The following SLC30A7 variants were observed in gnomAD, a reference collection of about 807,000 sequenced individuals.
The protein encoded by SLC30A7 is solute carrier family 30 member 7.
SLC30A7 carries 35 observed loss-of-function variants against 46.0 expected under a neutral mutation model. That is an observed-to-expected ratio of 0.76 (90% CI 0.58 to 1.01). The LOEUF (loss-of-function observed/expected upper bound fraction) is 1.01. Ranked by LOEUF, SLC30A7 falls within the 50% of genes least tolerant of loss-of-function variation. SLC30A7 has a pLI of 0.00. For missense variants in SLC30A7, 464 were observed against 451.1 expected (o/e 1.03, Z -0.26); for synonymous variants, 147 against 157.8 (o/e 0.93, Z 0.51).
downstream of SLC30A7, among the ~76,000 whole-genome samples, chr1:100,983,984 G>A (rs906192036): frequency 3.9e-5 from 6 of 152,122 alleles, no homozygotes; most frequent in Non-Finnish European, 7.4e-5. Context: ...TACTTTCCCC[G>A]TGAGCAATAA....
intron 2 of SLC30A7, among the ~76,000 whole-genome samples, chr1:100,902,944 AATAG>A (rs1257641969): frequency 6.6e-6 from 1 of 152,204 alleles, no homozygotes; most frequent in Non-Finnish European, 1.5e-5. Context: ...ATAATAGTGA[AATAG>A]ATAGTAAAAT....
In SLC30A7 at chr1:100,921,688, A is replaced by G. The variant is rs1652941989; in HGVS notation, c.707-18A>G. ...TAACCAAAAGACTGTTTTGATTTTTATTATGGTTTATTTCTAGGTGTATTT... is the reference window on the plus strand; with the variant it reads ...TAACCAAAAGACTGTTTTGATTTTTGTTATGGTTTATTTCTAGGTGTATTT... On this transcript the variant is annotated intron_variant, in intron 7 of 10. Coordinates refer to ENST00000357650, the MANE Select transcript of SLC30A7 (RefSeq NM_133496.5). 1.3e-6 allele frequency: 2 copies of G among 1,587,588 alleles called. No individual in the cohort carries two copies. The highest frequency in any genetic ancestry group is 1.7e-6 in the Non-Finnish European group (2 of 1,158,780).
rs1440420533 is a variant in SLC30A7, at chr1:100,974,861, A to G, written c.*4A>G. The G allele has an allele frequency of 6.3e-7, 1 of 1,597,648 alleles. No individual in the cohort carries two copies. Among genetic ancestry groups the G allele is most frequent in the South Asian group, 1.1e-5 (1 of 89,016 alleles). On this transcript the variant is annotated 3_prime_UTR_variant, in exon 11 of 11. Transcript: ENST00000357650. ...GATTGACTTTGCAGCCATGTAGTGA[A>G]TGGAAAGAAATTATGCACCTTTTAT...
chr1:100,990,686 ACAGT>A, the SLC30A7 span: 1 of 1,535,290 alleles, frequency 6.5e-7, no homozygotes, highest in South Asian at 1.1e-5. Context: ...CATCCATCCA[ACAGT>A]CAAACAAACA....
At chr1:100,981,759 C>T (rs1656946620), downstream of SLC30A7, 1 of 152,098 alleles carries the variant, frequency 6.6e-6, no homozygotes, top group Admixed American at 6.5e-5. Flanking sequence ...AAATCTCTAC[C>T]TGAATTGTGT....
intron 2 of SLC30A7, among the ~76,000 whole-genome samples, chr1:100,906,099 T>G (rs1361266069): frequency 6.6e-6 from 1 of 152,212 alleles, no homozygotes; most frequent in Non-Finnish European, 1.5e-5. Context: ...TTGTGTTTTG[T>G]TATTGCTGAT....
At chr1:100,930,004 C>T (rs938114409) in intron 8 of SLC30A7, among the ~76,000 whole-genome samples, 14 of 151,720 alleles carry the variant, frequency 9.2e-5, no homozygotes, top group African/African-American at 2.2e-4. Context: ...AGTTTAGAGA[C>T]GAGGCAATTT....
intron 8 of SLC30A7, among the ~76,000 whole-genome samples, chr1:100,948,770 GCTTT>G (rs1173514662): frequency 1.3e-5 from 2 of 152,140 alleles, no homozygotes; most frequent in South Asian, 4.2e-4. Context: ...TTGTCTTCTT[GCTTT>G]ATTTCATTAA....
chr1:100,982,306 T>G (rs1656987268), downstream of SLC30A7, among the ~76,000 whole-genome samples: 1 of 152,244 alleles, frequency 6.6e-6, no homozygotes, highest in Non-Finnish European at 1.5e-5. Context: ...GTATGTGGTC[T>G]ACATTTGCTG....
intron 2 of SLC30A7, among the ~76,000 whole-genome samples, chr1:100,899,676 C>T (rs1440377491): frequency 6.6e-6 from 1 of 152,122 alleles, no homozygotes; most frequent in East Asian, 1.9e-4. Flanking sequence ...GAGTAATACT[C>T]TGTTTCAAAA....
At chr1:100,940,850 GT>G (rs1243771124) in intron 8 of SLC30A7, among the ~76,000 whole-genome samples, 1 of 152,144 alleles carries the variant, frequency 6.6e-6, no homozygotes, top group Non-Finnish European at 1.5e-5. Flanking sequence ...TAGTTTTCAT[GT>G]TTTTTGCCCA....
intron 4 of SLC30A7, among the ~76,000 whole-genome samples, chr1:100,911,776 TC>T (rs1365022051): frequency 6.6e-6 from 1 of 152,096 alleles, no homozygotes; most frequent in Non-Finnish European, 1.5e-5. Flanking sequence ...GGTCTTGAAT[TC>T]CTGACCTCAA....
At chr1:100,918,336 A>G (rs754815589) in intron 7 of SLC30A7, among the ~76,000 whole-genome samples, 1 of 152,160 alleles carries the variant, frequency 6.6e-6, no homozygotes. Context: ...CTCTGATTTG[A>G]TAATAAAAGC....
At chr1:100,940,201 G>A (rs566490923) in intron 8 of SLC30A7, among the ~76,000 whole-genome samples, 1 of 152,200 alleles carries the variant, frequency 6.6e-6, no homozygotes, top group Admixed American at 6.5e-5. Flanking sequence ...CTAAAAACTG[G>A]ATAGCCATTT....
intron 8 of SLC30A7, among the ~76,000 whole-genome samples, chr1:100,930,360 G>A (rs1313348524): frequency 6.6e-6 from 1 of 151,850 alleles, no homozygotes; most frequent in African/African-American, 2.4e-5. Context: ...GCAAACTGAG[G>A]TACAGACTTT....
intron 8 of SLC30A7, among the ~76,000 whole-genome samples, chr1:100,954,054 T>C (rs1328178493): frequency 1.3e-5 from 2 of 152,208 alleles, no homozygotes; most frequent in African/African-American, 4.8e-5. Context: ...CAAGGGCTGG[T>C]TTAGATGTCA....
Position 100,935,217 on chromosome 1 carries a change from C to G in SLC30A7, c.842+13376C>G, listed in dbSNP as rs903305199. 3.9e-5 allele frequency among the ~76,000 whole-genome samples: 6 copies of G among 152,200 alleles called. 1 individual carries two copies. The highest frequency in any genetic ancestry group is 3.9e-4 in the Admixed American group (6 of 15,284). On this transcript the variant is annotated intron_variant, in intron 8 of 10. Coordinates refer to ENST00000357650, the MANE Select transcript of SLC30A7 (RefSeq NM_133496.5). Reference sequence around the variant, plus strand: ...ATCATACTTTCAGAGAAAGTTCTTTCTGTCAGAGAAAGTCTTGCTTCATTT... The same window carrying G: ...ATCATACTTTCAGAGAAAGTTCTTTGTGTCAGAGAAAGTCTTGCTTCATTT...
intron 8 of SLC30A7, among the ~76,000 whole-genome samples, chr1:100,952,362 C>T (rs551746462): frequency 3.3e-5 from 5 of 152,126 alleles, no homozygotes; most frequent in Non-Finnish European, 7.4e-5. Flanking sequence ...ATACCTACCT[C>T]ATAATTTGTT....
At chr1:100,943,735 A>G (rs1210445465) in intron 8 of SLC30A7, among the ~76,000 whole-genome samples, 1 of 152,266 alleles carries the variant, frequency 6.6e-6, no homozygotes, top group African/African-American at 2.4e-5. Flanking sequence ...ATATTACATC[A>G]TCAGTAAAGC....
Sources: gnomAD v4.1 joint callset for allele counts (sites outside exome capture counted in the v4.1 genomes callset) on GRCh38, gnomAD v4.1.1 for gene constraint, MANE v1.5 for transcripts, NCBI Gene and HGNC (gene_info 2026-07-23, HGNC 2026-07-21) for gene names.